BCL9: variants seen among roughly 807,000 people sequenced by gnomAD.
BCL9 encodes B-cell CLL/lymphoma 9 protein.
Under a neutral mutation model 88.5 loss-of-function variants are expected in BCL9, and 25 were observed. The observed-to-expected ratio is 0.28, with a 90% CI of 0.21 to 0.39. BCL9 has a LOEUF of 0.39. Among genes scored for constraint, BCL9 ranks in the 10% least tolerant of loss-of-function variants. The pLI is 1.00. For missense variants in BCL9, 1,817 were observed against 1,877.8 expected (o/e 0.97, Z 0.60); for synonymous variants, 711 against 673.3 (o/e 1.06, Z -0.87).
Position 147,624,118 on chromosome 1 carries a change from C to G in BCL9, c.3440C>G (p.Pro1147Arg). 6.3e-7 allele frequency: 1 copy of G among 1,599,096 alleles called. No homozygotes were observed. The change falls in exon 10 of 10, where the codon CCC becomes CGC. Residue 1147 changes from proline (P) to arginine (R), a missense_variant. Pro to Arg is a moderately radical substitution (Grantham distance 103, BLOSUM62 -2). Around this residue, in one of 2 missense-constraint regions of BCL9, gnomAD observed 589 missense variants for 686.2 expected, o/e 0.86. Transcript: ENST00000234739. This position sits in a 1 kb window ranked among gnomAD's most constrained non-coding sequence, Gnocchi z 4.4. ...FPQGFPPVQS[P>R]PQQVPFPHNG... ...CAGGGCTTCCCTCCAGTACAGTCTCCCCCACAGCAGGTTCCATTCCCTCAC... is the reference window on the plus strand; with the variant it reads ...CAGGGCTTCCCTCCAGTACAGTCTCGCCCACAGCAGGTTCCATTCCCTCAC...
intron 1 of BCL9, among the ~76,000 whole-genome samples, chr1:147,597,005 A>C (rs1219610895): frequency 6.6e-6 from 1 of 152,158 alleles, no homozygotes; most frequent in Non-Finnish European, 1.5e-5. Flanking sequence ...TCTGAGGAAG[A>C]CTTTCATATT....
In BCL9 at chr1:147,620,700, T is replaced by C. The variant is rs782731004; in HGVS notation, c.2545T>C (p.Ser849Pro). The change falls in exon 8 of 10, where the codon TCT (serine) becomes CCT (proline). Residue 849 changes from serine (S) to proline (P), a missense_variant. Ser to Pro is a moderately conservative substitution (Grantham distance 74, BLOSUM62 -1). Transcript: ENST00000234739. ...CCTGGGGCGGAAGCCCTTGGATATA[T>C]CTGTGGCAGGCAGCCAGGTGCATTC... is the stretch of plus-strand genomic sequence containing the variant. ...RGLGRKPLDI[S>P]VAGSQVHSPG... The C allele has an allele frequency of 2.2e-5, 36 of 1,614,176 alleles. No homozygotes were observed. The highest frequency in any genetic ancestry group is 1.6e-4 in the Middle Eastern group (1 of 6,062).
intron 1 of BCL9, among the ~76,000 whole-genome samples, chr1:147,590,815 G>A (rs1012153432): frequency 2.0e-5 from 3 of 152,166 alleles, no homozygotes; most frequent in African/African-American, 7.2e-5. Flanking sequence ...CAGTGCTGGC[G>A]AATGTTGTTA....
rs995957803 is a variant in BCL9, at chr1:147,614,529, A to G, written c.473A>G (p.His158Arg). The G allele has an allele frequency of 1.9e-6, 3 of 1,613,232 alleles. No homozygotes were observed. Among genetic ancestry groups the G allele is most frequent in the Non-Finnish European group, 2.5e-6 (3 of 1,179,678 alleles). ...GCCCCCAGGTCTTCTACCCCCTCCC[A>G]TGGCCAAACTACTGCCACAGAGCCC... Reference protein sequence around the residue: ...ATAPRSSTPSHGQTTATEPTP... With the variant: ...ATAPRSSTPSRGQTTATEPTP... The change falls in exon 6 of 10, where the codon CAT becomes CGT. Residue 158 changes from histidine (H) to arginine (R), a missense_variant. His to Arg is a conservative substitution (Grantham distance 29). This residue lies in a region of BCL9 where 1,228 missense variants were observed against 1,191.6 expected (regional missense o/e 1.03). Transcript: ENST00000234739.
intron 1 of BCL9, among the ~76,000 whole-genome samples, chr1:147,547,636 T>C (rs182928945): frequency 2.0e-5 from 3 of 152,354 alleles, no homozygotes; most frequent in Admixed American, 6.5e-5. Flanking sequence ...TGACTTACAA[T>C]GTTCCTTTAT....
intron 1 of BCL9, among the ~76,000 whole-genome samples, chr1:147,592,327 CA>C (rs1656880926): frequency 6.6e-6 from 1 of 152,174 alleles, no homozygotes; most frequent in Non-Finnish European, 1.5e-5. Context: ...CCACTTTTTG[CA>C]ATCCCAGAGG....
At chr1:147,572,537 C>A (rs1426002200) in intron 1 of BCL9, among the ~76,000 whole-genome samples, 1 of 152,204 alleles carries the variant, frequency 6.6e-6, no homozygotes, top group Non-Finnish European at 1.5e-5. Flanking sequence ...GCATTCTAAT[C>A]ACCTTAACAC....
chr1:147,591,237 A>G (rs587772080), intron 1 of BCL9, among the ~76,000 whole-genome samples: 1 of 152,254 alleles, frequency 6.6e-6, no homozygotes, highest in Non-Finnish European at 1.5e-5. Context: ...AAAAAAAATA[A>G]CTCAGTGTAT....
In BCL9 at chr1:147,624,570, G is replaced by A; in HGVS notation, c.3892G>A (p.Gly1298Arg). The A allele has an allele frequency of 3.1e-6, 5 of 1,614,146 alleles. No individual in the cohort carries two copies. The highest frequency in any genetic ancestry group is 4.2e-6 in the Non-Finnish European group (5 of 1,180,028). ...LPGMGGPGPV[G>R]TPDIPLGTAP... Reference sequence around the variant, plus strand: ...TGGCATGGGAGGTCCAGGGCCAGTGGGAACTCCGGACATCCCTCTTGGTAC... The same window carrying A: ...TGGCATGGGAGGTCCAGGGCCAGTGAGAACTCCGGACATCCCTCTTGGTAC... The change falls in exon 10 of 10, where the codon GGA (glycine) becomes AGA (arginine). Residue 1298 changes from glycine to arginine, a missense_variant. Physicochemically the swap from Gly to Arg is moderately radical, Grantham distance 125. Transcript: ENST00000234739. The surrounding 1 kb of genome is among the most constrained non-coding windows in gnomAD (Gnocchi z 4.4).
intron 6 of BCL9, 27 bp from the exon 7 acceptor site, chr1:147,615,776 T>G (rs377230197): frequency 6.3e-7 from 1 of 1,575,472 alleles, no homozygotes; most frequent in African/African-American, 1.3e-5. Context: ...CAAGTTCTAG[T>G]GTGTGCTGTC....
chr1:147,618,279 G>C (rs1167363854), intron 7 of BCL9, among the ~76,000 whole-genome samples: 1 of 152,128 alleles, frequency 6.6e-6, no homozygotes, highest in Non-Finnish European at 1.5e-5. Flanking sequence ...TGCCAGAGGA[G>C]ACGTTGAAAT....
intron 1 of BCL9, among the ~76,000 whole-genome samples, chr1:147,556,819 T>C (rs1384457645): frequency 6.6e-6 from 1 of 152,206 alleles, no homozygotes; most frequent in Non-Finnish European, 1.5e-5. Context: ...AGACAGCTCC[T>C]GCTCAATATG....
At position 147,624,195 on chromosome 1, in the gene BCL9, G is replaced by A. The variant is rs782329762; in HGVS notation, c.3517G>A (p.Gly1173Arg). 7 of 1,608,896 alleles carry A rather than the reference G, an allele frequency of 4.4e-6. No homozygotes were observed. In the East Asian group the frequency reaches 1.1e-4, roughly 26 times the overall value. ...CTTCCCAGGAGGGATGGGTTTCCCA[G>A]GAGAAGGCCCCCTTGGCCGCCCCAG... ...GSFPGGMGFP[G>R]EGPLGRPSNL... is the part of the protein sequence containing the mutation. The change falls in exon 10 of 10, where the codon GGA becomes AGA. Residue 1173 changes from glycine (G) to arginine (R), a missense_variant. Gly to Arg is a moderately radical substitution (Grantham distance 125). Coordinates refer to ENST00000234739, the MANE Select transcript of BCL9 (RefSeq NM_004326.4). This position sits in a 1 kb window ranked among gnomAD's most constrained non-coding sequence, Gnocchi z 4.4.
At chr1:147,559,357 AT>A (rs1330465009) in intron 1 of BCL9, among the ~76,000 whole-genome samples, 1 of 152,128 alleles carries the variant, frequency 6.6e-6, no homozygotes, top group East Asian at 1.9e-4. Flanking sequence ...AATCCATCAG[AT>A]TCCTCTGTCA....
At chr1:147,611,157 A>C (rs1383722196) in intron 3 of BCL9, among the ~76,000 whole-genome samples, 1 of 152,164 alleles carries the variant, frequency 6.6e-6, no homozygotes, top group Non-Finnish European at 1.5e-5. Flanking sequence ...GTTGTTTGCC[A>C]TCAGAACTGA....
intron 1 of BCL9, among the ~76,000 whole-genome samples, chr1:147,566,470 C>T (rs1299549587): frequency 6.6e-6 from 1 of 151,486 alleles, no homozygotes; most frequent in Non-Finnish European, 1.5e-5. Context: ...CATGGGCCGG[C>T]CATGGCCAGG....
chr1:147,567,897 G>T (rs1234309761), intron 1 of BCL9, among the ~76,000 whole-genome samples: 1 of 152,066 alleles, frequency 6.6e-6, no homozygotes, highest in Non-Finnish European at 1.5e-5. Flanking sequence ...TCTATTGCTG[G>T]CGATCTATTT....
intron 1 of BCL9, among the ~76,000 whole-genome samples, chr1:147,553,567 C>G (rs1366067681): frequency 6.6e-6 from 1 of 152,178 alleles, no homozygotes; most frequent in African/African-American, 2.4e-5. Flanking sequence ...CCTCTCCTTA[C>G]AAGTGGTTGT....
At chr1:147,568,265 C>G (rs1427963661) in intron 1 of BCL9, among the ~76,000 whole-genome samples, 2 of 152,144 alleles carry the variant, frequency 1.3e-5, no homozygotes, top group Middle Eastern at 3.2e-3. Context: ...AGTTCTATAG[C>G]CTTGAGAGGC....
Sources: allele counts gnomAD v4.1 joint callset (sites outside exome capture counted in the v4.1 genomes callset), GRCh38; gene constraint gnomAD v4.1.1; regional missense constraint gnomAD v4.1.1; non-coding constraint Gnocchi (gnomAD v3.1); transcripts MANE v1.5; gene names NCBI Gene and HGNC (gene_info 2026-07-23, HGNC 2026-07-21).